Variants in CCDC33 observed in about 807,000 individuals in gnomAD.
CCDC33 encodes the protein coiled-coil domain-containing protein 33.
Under a neutral mutation model 91.9 loss-of-function variants are expected in CCDC33, and 94 were observed. The observed-to-expected ratio is 1.02, with a 90% CI of 0.87 to 1.21. CCDC33 has a LOEUF of 1.21. CCDC33 is among the 50% of genes most tolerant of loss of function. CCDC33 has a pLI of 0.00. For missense variants in CCDC33, 940 were observed against 935.5 expected (o/e 1.00, Z -0.06); for synonymous variants, 396 against 374.5 (o/e 1.06, Z -0.66).
chr15:74,334,269 G>T (rs559662477), intron 17 of CCDC33, among the ~76,000 whole-genome samples: 1 of 151,740 alleles, frequency 6.6e-6, no homozygotes, highest in Admixed American at 6.6e-5. Context: ...CAGGGTTAGG[G>T]TTCAGTGTGT....
chr15:74,303,276 GC>G (rs1204871790), intron 11 of CCDC33: 1 of 152,402 alleles, frequency 6.6e-6, no homozygotes, highest in Non-Finnish European at 1.5e-5. Context: ...GGAATAAGCA[GC>G]CCCCCCAGGG....
At chr15:74,219,465 A>T (rs1203560021) in intron 2 of CCDC33, among the ~76,000 whole-genome samples, 1 of 152,190 alleles carries the variant, frequency 6.6e-6, no homozygotes, top group East Asian at 1.9e-4. Context: ...TTTAATGTCA[A>T]CAACATTTCC....
chr15:74,268,476 C>A lies in CCDC33; in HGVS notation c.546+18C>A. 1 of 1,396,456 alleles carries A rather than the reference C, an allele frequency of 7.2e-7. No homozygotes were observed. The highest frequency in any genetic ancestry group is 1.2e-5 in the South Asian group (1 of 80,962). The allele number at this position is 1,396,456 out of a possible 1,614,324, so 86.5% of individuals were successfully genotyped here. The stretch of plus-strand genomic sequence containing the variant: ...CTCTGGAGGTACCAGGGCTGGGGCC[C>A]TCTGGGGTGGTGGTGGGGGTGGGAA... On this transcript the variant is annotated intron_variant, in intron 5 of 18. Transcript: ENST00000398814.
chr15:74,203,997 C>T (rs919136749), intron 1 of CCDC33, among the ~76,000 whole-genome samples: 2 of 152,180 alleles, frequency 1.3e-5, no homozygotes, highest in African/African-American at 4.8e-5. Context: ...TGGAGGCTCT[C>T]TTTCAAATTC....
At chr15:74,268,316 G>A in intron 4 of CCDC33, 26 bp from the exon 5 acceptor site, 2 of 1,547,774 alleles carry the variant, frequency 1.3e-6, no homozygotes, top group South Asian at 1.1e-5. Flanking sequence ...CTTCCTCTGT[G>A]TCTTCTGCCC....
In CCDC33 at chr15:74,330,220, A is replaced by T. The variant is rs1307238899; in HGVS notation, c.1322A>T (p.Lys441Met). 6.2e-6 allele frequency: 10 copies of T among 1,611,434 alleles called. No homozygotes were observed. The highest frequency in any genetic ancestry group is 1.3e-5 in the African/African-American group (1 of 74,814). The stretch of plus-strand genomic sequence containing the variant: ...AACAACTACCGGCGGGCCATGCAGA[A>T]GATGGCAGAGGACATCCTGTCTCTG... ...EMNNYRRAMQ[K>M]MAEDILSLRR... The change falls in exon 12 of 19, where the codon AAG (lysine) becomes ATG (methionine). Residue 441 changes from lysine to methionine, a missense_variant. Physicochemically the swap from Lys to Met is moderately conservative, Grantham distance 95. Coordinates refer to ENST00000398814, the MANE Select transcript of CCDC33 (RefSeq NM_025055.5).
intron 8 of CCDC33, 73 bp downstream of exon 8, chr15:74,280,165 C>A: frequency 6.4e-7 from 1 of 1,553,332 alleles, no homozygotes. Flanking sequence ...GTGTTCAGAC[C>A]ATCCCACCTC....
At chr15:74,248,920 G>C (rs901043573) in intron 2 of CCDC33, among the ~76,000 whole-genome samples, 1 of 152,004 alleles carries the variant, frequency 6.6e-6, no homozygotes, top group Non-Finnish European at 1.5e-5. Context: ...CATCTTTTGC[G>C]ATCTCTCAGG....
intron 11 of CCDC33, among the ~76,000 whole-genome samples, chr15:74,327,887 G>C (rs758391464): frequency 1.2e-4 from 19 of 152,176 alleles, no homozygotes; most frequent in Non-Finnish European, 2.1e-4. Flanking sequence ...CCATCTCTGT[G>C]TGTCAGTATA....
chr15:74,254,801 G>A (rs2075813361), intron 2 of CCDC33, among the ~76,000 whole-genome samples: 2 of 144,726 alleles, frequency 1.4e-5, no homozygotes, highest in African/African-American at 5.2e-5. Flanking sequence ...AGGCTGGTGT[G>A]CAATGATGTG....
intron 11 of CCDC33, among the ~76,000 whole-genome samples, chr15:74,313,616 C>T (rs1454199938): frequency 5.9e-5 from 9 of 152,026 alleles, no homozygotes; most frequent in African/African-American, 9.6e-5. Flanking sequence ...GACGGGGTTT[C>T]GCCATATTGG....
At chr15:74,266,836 T>C in intron 4 of CCDC33, 49 bp downstream of exon 4, 2 of 1,360,694 alleles carry the variant, frequency 1.5e-6, no homozygotes, top group Middle Eastern at 2.1e-4. Flanking sequence ...GGGAACCACC[T>C]TGAATGTCCC....
At chr15:74,242,136 C>T (rs1188880322) in intron 1 of CCDC33, among the ~76,000 whole-genome samples, 2 of 152,240 alleles carry the variant, frequency 1.3e-5, no homozygotes, top group Non-Finnish European at 2.9e-5. Flanking sequence ...TTCTGTCTGC[C>T]TGAGGCTTCC....
rs1240973532 is a variant in CCDC33 at position 74,244,302 on chromosome 15, CGCT to C, written c.185+160_185+162del. 6.6e-6 allele frequency among the ~76,000 whole-genome samples: 1 copy of C among 152,188 alleles called. No individual in the cohort carries two copies. The highest frequency in any genetic ancestry group is 2.4e-5 in the African/African-American group (1 of 41,444). Reference sequence around the variant, plus strand: ...TGCTGTGGGCACTACCTGGCATCTCCGCTGCTGCATGGGAAGCTGCTCACCAGG... The same window carrying C: ...TGCTGTGGGCACTACCTGGCATCTCCGCTGCATGGGAAGCTGCTCACCAGG... On this transcript the variant is annotated intron_variant, in intron 2 of 18. Coordinates refer to ENST00000398814, the MANE Select transcript of CCDC33 (RefSeq NM_025055.5). This position sits in a 1 kb window ranked among gnomAD's most constrained non-coding sequence, Gnocchi z 4.2.
intron 10 of CCDC33, among the ~76,000 whole-genome samples, chr15:74,284,790 A>G (rs1275271271): frequency 6.6e-6 from 1 of 152,224 alleles, no homozygotes; most frequent in Non-Finnish European, 1.5e-5. Flanking sequence ...AAGCTGCTAT[A>G]ACAAAGAGAT....
chr15:74,335,771 C>A, intron 18 of CCDC33, 154 bp from the exon 19 acceptor site: 4 of 661,320 alleles, frequency 6.0e-6, no homozygotes, highest in Non-Finnish European at 1.1e-5. Flanking sequence ...TTAGGTGTCA[C>A]CTGCTGTGGC....
rs1363640189 is a variant in CCDC33, at chr15:74,272,813, C to T, written c.681C>T (p.Pro227=). 6.2e-7 allele frequency: 1 copy of T among 1,614,196 alleles called. No individual in the cohort carries two copies. The highest frequency in any genetic ancestry group is 1.7e-5 in the Admixed American group (1 of 60,032). ...ANRDLASVGL[P]ITPLSFPIPS... ...GGGACCTGGCCTCTGTGGGGCTGCCCATCACCCCACTGTCCTTCCCTATCC... is the reference window on the plus strand; with the variant it reads ...GGGACCTGGCCTCTGTGGGGCTGCCTATCACCCCACTGTCCTTCCCTATCC... Residue 227 remains proline (P), a synonymous_variant, in exon 7 of 19, where the codon CCC becomes CCT. Transcript: ENST00000398814.
intron 11 of CCDC33, among the ~76,000 whole-genome samples, chr15:74,314,853 C>CAGGG (rs2060060698): frequency 6.6e-6 from 1 of 152,222 alleles, no homozygotes. Context: ...GGCCCATGTG[C>CAGGG]AGGGGCACAG....
intron 2 of CCDC33, among the ~76,000 whole-genome samples, chr15:74,259,298 C>A (rs2075959321): frequency 6.6e-6 from 1 of 152,016 alleles, no homozygotes; most frequent in African/African-American, 2.4e-5. Flanking sequence ...GCATTGGGAG[C>A]CCCGAGAGAG....
Sources: gnomAD v4.1 joint callset for allele counts (sites outside exome capture counted in the v4.1 genomes callset) on GRCh38, gnomAD v4.1.1 for gene constraint, Gnocchi (gnomAD v3.1) non-coding constraint, MANE v1.5 for transcripts, NCBI Gene and HGNC (gene_info 2026-07-23, HGNC 2026-07-21) for gene names.